The following ADGRL4 variants were observed in gnomAD, a reference collection of about 807,000 sequenced individuals.
ADGRL4 encodes the protein adhesion G protein-coupled receptor L4, also known as EGF, latrophilin and seven transmembrane domain containing 1.
A neutral mutation model predicts 74.8 loss-of-function variants in ADGRL4; 90 were observed. The ratio of observed to expected loss-of-function variants is 1.20; its 90% CI spans 1.02 to 1.43. The LOEUF is 1.43. Ranked by LOEUF, ADGRL4 falls within the 40% of genes most tolerant of loss-of-function variation. The pLI, the probability that ADGRL4 is intolerant of heterozygous loss-of-function variation, is 0.00. For missense variants in ADGRL4, 881 were observed against 814.3 expected (o/e 1.08, Z -1.00); for synonymous variants, 311 against 279.2 (o/e 1.11, Z -1.14).
At chr1:78,944,297 C>T (rs990108682) in intron 3 of ADGRL4, among the ~76,000 whole-genome samples, 1 of 152,184 alleles carries the variant, frequency 6.6e-6, no homozygotes, top group African/African-American at 2.4e-5. Flanking sequence ...ACAAGTTAGA[C>T]TTCTTCACTA....
At chr1:78,952,154 A>G (rs1012886816) in intron 2 of ADGRL4, among the ~76,000 whole-genome samples, 10 of 152,194 alleles carry the variant, frequency 6.6e-5, no homozygotes, top group Admixed American at 6.5e-4. Flanking sequence ...CAAATTGATT[A>G]TAACAACTTG....
chr1:78,904,700 A>G (rs1466899468), intron 12 of ADGRL4, among the ~76,000 whole-genome samples: 1 of 152,058 alleles, frequency 6.6e-6, no homozygotes, highest in Non-Finnish European at 1.5e-5. Flanking sequence ...CCACATTCAT[A>G]GGTTCAAATT....
intron 2 of ADGRL4, among the ~76,000 whole-genome samples, chr1:78,955,660 C>A (rs918417832): frequency 6.6e-6 from 1 of 151,820 alleles, no homozygotes; most frequent in Non-Finnish European, 1.5e-5. Context: ...GTTTTTTCAT[C>A]ATTATTTTTG....
intron 10 of ADGRL4, 25 bp downstream of exon 10, chr1:78,920,158 A>T (rs761793042): frequency 6.4e-7 from 1 of 1,565,212 alleles, no homozygotes; most frequent in Non-Finnish European, 8.7e-7. Context: ...ATAGGACAAA[A>T]ATAGAGATTA....
Position 78,946,430 on chromosome 1 carries a change from T to C in ADGRL4, c.173-4A>G. The C allele has an allele frequency of 6.3e-7, 1 of 1,597,894 alleles. No homozygotes were observed. The highest frequency in any genetic ancestry group is 8.5e-7 in the Non-Finnish European group (1 of 1,173,528). The stretch of plus-strand genomic sequence containing the variant: ...AAATTTCCACATTCATTATCATCTG[T>C]TGGCATATGAATTTAAAAGATTATT... On this transcript the variant is annotated splice_region_variant and splice_polypyrimidine_tract_variant and intron_variant, in intron 2 of 14. Coordinates refer to ENST00000370742, the MANE Select transcript of ADGRL4 (RefSeq NM_022159.4).
At chr1:78,945,178 AT>A (rs371681452) in intron 3 of ADGRL4, among the ~76,000 whole-genome samples, 5,502 of 52,508 alleles carry the variant, frequency 0.1, 128 homozygotes, top group East Asian at 0.17. Context: ...AAAAAAAAAA[AT>A]ATATATATAT....
chr1:78,924,249 G>C (rs549059361), intron 8 of ADGRL4, among the ~76,000 whole-genome samples: 1 of 151,842 alleles, frequency 6.6e-6, no homozygotes. Flanking sequence ...CTAATATAAG[G>C]GTAAGGTAGA....
At chr1:78,906,794 A>T (rs931858897) in intron 12 of ADGRL4, among the ~76,000 whole-genome samples, 2 of 152,000 alleles carry the variant, frequency 1.3e-5, no homozygotes, top group African/African-American at 4.8e-5. Flanking sequence ...GAGAAGCTAA[A>T]ATAGAACTTT....
chr1:78,893,321 A>G, intron 12 of ADGRL4, 132 bp from the exon 13 acceptor site: 1 of 638,198 alleles, frequency 1.6e-6, no homozygotes, highest in Non-Finnish European at 2.6e-6. Context: ...TCTTTACAAT[A>G]TCACTGAAAA....
chr1:78,920,138 T>C (rs746279985), intron 10 of ADGRL4, 45 bp downstream of exon 10: 9 of 1,408,864 alleles, frequency 6.4e-6, no homozygotes, highest in South Asian at 2.5e-5. Flanking sequence ...TTTAAGAAAG[T>C]ACACATATCA....
At chr1:78,945,177 A>AAAAAAAAATATATATAT (rs376405445) in intron 3 of ADGRL4, among the ~76,000 whole-genome samples, 82 of 127,900 alleles carry the variant, frequency 6.4e-4, no homozygotes, top group African/African-American at 1.6e-3. Context: ...AAAAAAAAAA[A>AAAAAAAAATATATATAT]ATATATATAT....
chr1:78,929,731 C>T (rs533418248), intron 7 of ADGRL4, among the ~76,000 whole-genome samples: 33 of 151,558 alleles, frequency 2.2e-4, no homozygotes, highest in Admixed American at 4.6e-4. Context: ...TTTTCTTACT[C>T]TCCTTTACTG....
intron 12 of ADGRL4, among the ~76,000 whole-genome samples, chr1:78,900,489 T>C (rs999714960): frequency 3.3e-5 from 5 of 152,038 alleles, no homozygotes; most frequent in Non-Finnish European, 5.9e-5. Flanking sequence ...TACATATAGG[T>C]GTGATATGGT....
chr1:78,978,391 T>C (rs1376244958), intron 2 of ADGRL4, among the ~76,000 whole-genome samples: 1 of 151,948 alleles, frequency 6.6e-6, no homozygotes, highest in Non-Finnish European at 1.5e-5. Context: ...GCTGACATTG[T>C]AGAAGTGAAA....
intron 12 of ADGRL4, among the ~76,000 whole-genome samples, chr1:78,911,927 C>T (rs1391887801): frequency 6.6e-6 from 1 of 151,848 alleles, no homozygotes; most frequent in South Asian, 2.1e-4. Flanking sequence ...AGAGAGATCA[C>T]TTAATCTTGC....
chr1:78,944,088 T>C (rs1557507218), intron 3 of ADGRL4, among the ~76,000 whole-genome samples: 1 of 152,172 alleles, frequency 6.6e-6, no homozygotes, highest in Non-Finnish European at 1.5e-5. Flanking sequence ...GTTTTCTCTG[T>C]ATTTATGATT....
intron 2 of ADGRL4, among the ~76,000 whole-genome samples, chr1:78,966,137 A>G (rs1650051429): frequency 6.6e-6 from 1 of 152,150 alleles, no homozygotes; most frequent in Non-Finnish European, 1.5e-5. Flanking sequence ...CCAGGCGGGA[A>G]GAAGCTCTGA....
chr1:78,993,508 A>G (rs1650650712), intron 2 of ADGRL4, among the ~76,000 whole-genome samples: 1 of 152,148 alleles, frequency 6.6e-6, no homozygotes, highest in African/African-American at 2.4e-5. Context: ...GAGTAAAAGG[A>G]GTAAAATCAT....
chr1:78,916,751 G>C (rs930228934), intron 12 of ADGRL4, among the ~76,000 whole-genome samples: 11 of 151,728 alleles, frequency 7.2e-5, no homozygotes, highest in African/African-American at 2.7e-4. Context: ...CAAAAAGATG[G>C]CTAGCTTACG....
Sources: gnomAD v4.1 joint callset for allele counts (sites outside exome capture counted in the v4.1 genomes callset) on GRCh38, gnomAD v4.1.1 for gene constraint, MANE v1.5 for transcripts, NCBI Gene and HGNC (gene_info 2026-07-23, HGNC 2026-07-21) for gene names.